The following EOMES variants were observed in gnomAD, a reference collection of about 807,000 sequenced individuals.
EOMES encodes eomesodermin homolog.
EOMES carries 18 observed loss-of-function variants against 61.0 expected under a neutral mutation model. The observed-to-expected ratio is 0.30, with a 90% confidence interval of 0.20 to 0.44. The LOEUF is 0.44. Ranked by LOEUF, EOMES falls within the 20% of genes least tolerant of loss-of-function variation. The probability of loss-of-function intolerance (pLI) is 1.00; values close to 1 mark genes in which losing one functional copy is unlikely to be tolerated. For missense variants in EOMES, 885 were observed against 939.2 expected (o/e 0.94, Z 0.75); for synonymous variants, 430 against 394.0 (o/e 1.09, Z -1.08).
chr3:27,721,323 AC>A lies in EOMES; in HGVS notation c.881+90del. ...AACACTCTAAGCACCGCGCGGAACA[AC>A]TGGGTTCAGCTCCCTCATCCCGGAC... On this transcript the variant is annotated intron_variant, in intron 1 of 5. Coordinates refer to ENST00000449599, the MANE Select transcript of EOMES (RefSeq NM_001278182.2). The surrounding 1 kb of genome is among the most constrained non-coding windows in gnomAD (Gnocchi z 7.4). 2 of 1,094,590 alleles carry A rather than the reference AC, an allele frequency of 1.8e-6. No homozygotes were observed. The highest frequency in any genetic ancestry group is 1.3e-6 in the Non-Finnish European group (1 of 750,866). 67.8% of individuals were successfully genotyped at this position (1,094,590 alleles called of 1,614,324 possible).
chr3:27,722,347 A>T (rs543822207), upstream of EOMES: 4 of 1,440,574 alleles, frequency 2.8e-6, no homozygotes, highest in African/African-American at 1.5e-5. Context: ...CGGTGGCCTT[A>T]TTATAAAGGC....
Position 27,716,792 on chromosome 3 carries a change from T to G in EOMES, c.*278A>C. ...AGCCTGCTTCTTTGAAGGGTTAGTG[T>G]CTCCCCAATAAATAAATACAGAACC... On this transcript the variant is annotated 3_prime_UTR_variant, in exon 6 of 6. Transcript: ENST00000449599. 1 of 370,776 alleles carries G rather than the reference T, an allele frequency of 2.7e-6. No homozygotes were observed. Among genetic ancestry groups the G allele is most frequent in the Non-Finnish European group, 4.8e-6 (1 of 208,412 alleles). The allele number at this position is 370,776 out of a possible 1,614,324, so 23.0% of individuals were successfully genotyped here.
rs2060621404 is a variant in EOMES, at chr3:27,722,158, A to G, written c.137T>C (p.Leu46Ser). ...LPSAAPSPQKLDLDKASKKFS... is the reference protein window; with the variant it reads ...LPSAAPSPQKSDLDKASKKFS... Reference sequence around the variant, plus strand: ...CTTCTTGGACGCTTTGTCTAAGTCCAACTTCTGAGGAGAGGGGGCCGCGCT... The same window carrying G: ...CTTCTTGGACGCTTTGTCTAAGTCCGACTTCTGAGGAGAGGGGGCCGCGCT... Residue 46 changes from leucine (L) to serine (S), a missense_variant, in exon 1 of 6, where the codon TTG (leucine) becomes TCG (serine). By Grantham distance (145) the Leu-to-Ser change is moderately radical. Coordinates refer to ENST00000449599, the MANE Select transcript of EOMES (RefSeq NM_001278182.2). 2 of 1,578,252 alleles carry G rather than the reference A, an allele frequency of 1.3e-6. No individual in the cohort carries two copies. The highest frequency in any genetic ancestry group is 1.7e-6 in the Non-Finnish European group (2 of 1,162,854).
chr3:27,722,589 C>A, upstream of EOMES: 4 of 1,206,388 alleles, frequency 3.3e-6, no homozygotes, highest in East Asian at 3.9e-5. Context: ...GGACCCCCAC[C>A]CTCCTCCCAG....
chr3:27,722,196 A>T lies in EOMES; in HGVS notation c.99T>A (p.Ala33=), dbSNP rs539715811. The T allele has an allele frequency of 5.6e-5, 89 of 1,599,810 alleles. No homozygotes were observed. In the African/African-American group the frequency reaches 1.1e-3, roughly 20 times the overall value. Residue 33 remains alanine (A), a synonymous_variant, in exon 1 of 6, where the codon GCT becomes GCA. Transcript: ENST00000449599. ...ESARGGSGGS[A]GHLPSAAPSP... is the part of the protein sequence containing the mutation. ...AGGGGGCCGCGCTGGGGAGGTGGCC[A>T]GCGCTCCCGCCGCTGCCGCCTCGCG... is the stretch of plus-strand genomic sequence containing the variant.
In EOMES at chr3:27,721,936, G is replaced by GCGGAGC. The variant is rs1553745484; in HGVS notation, c.358_359insGCTCCG (p.Ala119_Ala120insGlySer). ...AGCCGCGGCGGCGGCGGCGGCGGCG[G>GCGGAGC]CTGCAGCGGCGGAGGGCAGCTCCTC... On this transcript the variant is annotated inframe_insertion, in exon 1 of 6. Transcript: ENST00000449599. This position sits in a 1 kb window ranked among gnomAD's most constrained non-coding sequence, Gnocchi z 7.4. 1.5e-6 allele frequency: 2 copies of GCGGAGC among 1,364,148 alleles called. No homozygotes were observed. The highest frequency in any genetic ancestry group is 4.1e-5 in the Admixed American group (1 of 24,678). The allele number at this position is 1,364,148 out of a possible 1,614,324, so 84.5% of individuals were successfully genotyped here.
rs1559929096 is a variant in EOMES, at chr3:27,722,065, G to C, written c.230C>G (p.Ala77Gly). The change falls in exon 1 of 6, where the codon GCG becomes GGG. Residue 77 changes from alanine (A) to glycine (G), a missense_variant. Ala to Gly is a moderately conservative substitution (Grantham distance 60, BLOSUM62 0). Coordinates refer to ENST00000449599, the MANE Select transcript of EOMES (RefSeq NM_001278182.2). ...EPAAASAGAP[A>G]AMLSDTDAGD... The stretch of plus-strand genomic sequence containing the variant: ...GGCGTCGGTGTCACTAAGCATGGCC[G>C]CGGGGGCCCCTGCGCTGGCGGCTGC... 5.8e-6 allele frequency: 9 copies of C among 1,545,462 alleles called. No individual in the cohort carries two copies. The highest frequency in any genetic ancestry group is 7.9e-6 in the Non-Finnish European group (9 of 1,145,080).
chr3:27,722,334 C>T (rs1213250221), upstream of EOMES: 2 of 1,465,078 alleles, frequency 1.4e-6, no homozygotes, highest in Non-Finnish European at 1.8e-6. Flanking sequence ...GCTTCCTCTC[C>T]TCCGGTGGCC....
Position 27,717,511 on chromosome 3 carries a change from A to G in EOMES, c.1677T>C (p.Tyr559=). 1 of 1,614,188 alleles carries G rather than the reference A, an allele frequency of 6.2e-7. No homozygotes were observed. Among genetic ancestry groups the G allele is most frequent in the Non-Finnish European group, 8.5e-7 (1 of 1,179,984 alleles). The change falls in exon 6 of 6, where the codon TAT becomes TAC. Residue 559 remains tyrosine, a synonymous_variant. Transcript: ENST00000449599. The surrounding 1 kb of genome is among the most constrained non-coding windows in gnomAD (Gnocchi z 4.5). ...KLDISSYESE[Y]TSSTLLPYGI... Reference sequence around the variant, plus strand: ...CATATGGGAGCAATGTGCTAGAAGTATATTCAGATTCATAGGAACTGATGT... The same window carrying G: ...CATATGGGAGCAATGTGCTAGAAGTGTATTCAGATTCATAGGAACTGATGT...
chr3:27,722,177 C>G lies in EOMES; in HGVS notation c.118G>C (p.Ala40Pro). The change falls in exon 1 of 6, where the codon GCC (alanine) becomes CCC (proline). Residue 40 changes from alanine (A) to proline (P), a missense_variant. Transcript: ENST00000449599. ...GGSAGHLPSA[A>P]PSPQKLDLDK... Reference sequence around the variant, plus strand: ...AAGTCCAACTTCTGAGGAGAGGGGGCCGCGCTGGGGAGGTGGCCAGCGCTC... The same window carrying G: ...AAGTCCAACTTCTGAGGAGAGGGGGGCGCGCTGGGGAGGTGGCCAGCGCTC... 1.3e-6 allele frequency: 2 copies of G among 1,591,012 alleles called. No homozygotes were observed. Among genetic ancestry groups the G allele is most frequent in the African/African-American group, 2.7e-5 (2 of 74,702 alleles).
At chr3:27,719,100 T>C (rs552940278) in intron 3 of EOMES, among the ~76,000 whole-genome samples, 16 of 151,928 alleles carry the variant, frequency 1.1e-4, no homozygotes, top group African/African-American at 3.4e-4. Flanking sequence ...GTGGTTGTGA[T>C]AGATATGCTT....
At chr3:27,720,036 C>T in intron 2 of EOMES, 135 bp downstream of exon 2, 1 of 787,456 alleles carries the variant, frequency 1.3e-6, no homozygotes. Flanking sequence ...CTCAAAGACA[C>T]TCATACTAAC....
At chr3:27,719,218 G>C (rs1576803600) in intron 3 of EOMES, 142 bp downstream of exon 3, 1 of 880,114 alleles carries the variant, frequency 1.1e-6, no homozygotes, top group East Asian at 2.4e-5. Context: ...AAGGTCAAAA[G>C]AACAAAAATG....
chr3:27,722,111 C>G lies in EOMES; in HGVS notation c.184G>C (p.Glu62Gln). 1 of 1,550,170 alleles carries G rather than the reference C, an allele frequency of 6.5e-7. No homozygotes were observed. Among genetic ancestry groups the G allele is most frequent in the Non-Finnish European group, 8.7e-7 (1 of 1,147,088 alleles). Residue 62 changes from glutamate (E) to glutamine (Q), a missense_variant, in exon 1 of 6, where the codon GAG becomes CAG. Coordinates refer to ENST00000449599, the MANE Select transcript of EOMES (RefSeq NM_001278182.2). ...SKKFSGSLSC[E>Q]AVSGEPAAAS... is the part of the protein sequence containing the mutation. ...GCTGCGGGCTCCCCGCTCACCGCCT[C>G]GCAGGAGAGACTGCCGGAAAACTTC...
chr3:27,718,456 T>C, intron 5 of EOMES, 131 bp downstream of exon 5: 1 of 569,468 alleles, frequency 1.8e-6, no homozygotes, highest in Non-Finnish European at 2.9e-6. Context: ...GGAAAAAATT[T>C]TGGAAAAAGA....
chr3:27,719,731 C>T (rs552221860), intron 2 of EOMES, among the ~76,000 whole-genome samples: 72 of 152,212 alleles, frequency 4.7e-4, no homozygotes, highest in African/African-American at 1.7e-3. Flanking sequence ...AATTTAGAAA[C>T]GGAGCTAACA....
In EOMES at chr3:27,721,463, G is replaced by A. The variant is rs1339390290; in HGVS notation, c.832C>T (p.Leu278Phe). ...HVYLCNRPLW[L>F]KFHRHQTEMI... Reference sequence around the variant, plus strand: ...TCAGTTTGGTGGCGGTGGAATTTGAGCCACAGAGGCCGGTTGCACAGGTAG... The same window carrying A: ...TCAGTTTGGTGGCGGTGGAATTTGAACCACAGAGGCCGGTTGCACAGGTAG... The change falls in exon 1 of 6, where the codon CTC becomes TTC. Residue 278 changes from leucine to phenylalanine, a missense_variant. Around this residue, in one of 3 missense-constraint regions of EOMES, gnomAD observed 177 missense variants for 273.3 expected, o/e 0.65. Transcript: ENST00000449599. The surrounding 1 kb of genome is among the most constrained non-coding windows in gnomAD (Gnocchi z 7.4). 1 of 1,613,536 alleles carries A rather than the reference G, an allele frequency of 6.2e-7. No individual in the cohort carries two copies. The highest frequency in any genetic ancestry group is 1.3e-5 in the African/African-American group (1 of 74,926).
rs764874971 is a variant in EOMES at position 27,721,022 on chromosome 3, G to A, written c.881+392C>T. ...GCGGGAGCCCATCTACTGCGCTCAG[G>A]TGGCCAGCTCTTGAGCCTTCCCTAT... On this transcript the variant is annotated intron_variant, in intron 1 of 5. Transcript: ENST00000449599. The surrounding 1 kb of genome is among the most constrained non-coding windows in gnomAD (Gnocchi z 7.4). Among the ~76,000 whole-genome samples, 4 of 152,166 alleles carry A rather than the reference G, an allele frequency of 2.6e-5. No individual in the cohort carries two copies. The highest frequency in any genetic ancestry group is 4.4e-5 in the Non-Finnish European group (3 of 68,024).
rs377506919 is a variant in EOMES at position 27,717,607 on chromosome 3, G to C, written c.1581C>G (p.Ser527Arg). 1.2e-6 allele frequency: 2 copies of C among 1,614,098 alleles called. No individual in the cohort carries two copies. The highest frequency in any genetic ancestry group is 1.7e-5 in the Admixed American group (1 of 60,030). ...GCTGGGGAGGGTTGGCCACCTCTTC[G>C]CTCTGTTGGGGTGAAAGGAGGCCGT... ...QTNGLLSPQQ[S>R]EEVANPPQRW... The change falls in exon 6 of 6, where the codon AGC becomes AGG. Residue 527 changes from serine (S) to arginine (R), a missense_variant. By Grantham distance (110) the Ser-to-Arg change is moderately radical. This residue lies in a region of EOMES where 259 missense variants were observed against 282.3 expected (regional missense o/e 0.92). Coordinates refer to ENST00000449599, the MANE Select transcript of EOMES (RefSeq NM_001278182.2). The surrounding 1 kb of genome is among the most constrained non-coding windows in gnomAD (Gnocchi z 4.5).
Sources: gnomAD v4.1 joint callset for allele counts (sites outside exome capture counted in the v4.1 genomes callset) on GRCh38, gnomAD v4.1.1 for gene constraint, gnomAD v4.1.1 regional missense constraint, Gnocchi (gnomAD v3.1) non-coding constraint, MANE v1.5 for transcripts, NCBI Gene and HGNC (gene_info 2026-07-23, HGNC 2026-07-21) for gene names.